SYTL5: variants seen among roughly 807,000 people sequenced by gnomAD.
SYTL5 encodes the protein synaptotagmin-like protein 5.
In SYTL5, 34 loss-of-function variants were observed where a neutral mutation model predicts 55.9. The ratio of observed to expected loss-of-function variants is 0.61; its 90% confidence interval spans 0.46 to 0.81. SYTL5 has a LOEUF of 0.81. Among genes scored for constraint, SYTL5 ranks in the 30% least tolerant of loss-of-function variants. The pLI is 0.00. For missense variants in SYTL5, 637 were observed against 546.7 expected, an observed-to-expected ratio of 1.17 and a Z score of -1.65; for synonymous variants, 221 against 188.7, an observed-to-expected ratio of 1.17 and a Z score of -1.40.
chrX:37,971,567 A>G, the SYTL5 span, among the ~76,000 whole-genome samples: 945 of 111,639 alleles, frequency 8.5e-3, 15 homozygotes, highest in African/African-American at 0.029. Context: ...AACCACTGTT[A>G]GATGGCAGTG....
At chrX:38,034,320 C>A (rs1602325039) in intron 2 of SYTL5, among the ~76,000 whole-genome samples, 1 of 112,543 alleles carries the variant, frequency 8.9e-6, no homozygotes, top group Middle Eastern at 4.6e-3. Flanking sequence ...AGTCGTGTGA[C>A]TTTGAGCAAG....
the SYTL5 span, among the ~76,000 whole-genome samples, chrX:37,916,056 G>A: frequency 3.6e-5 from 4 of 110,955 alleles, no homozygotes; most frequent in African/African-American, 1.3e-4. Flanking sequence ...TGCCATAAGA[G>A]GACTTTACTT....
the SYTL5 span, among the ~76,000 whole-genome samples, chrX:37,910,216 G>T: frequency 9.0e-6 from 1 of 111,654 alleles, no homozygotes; most frequent in Non-Finnish European, 1.9e-5. Context: ...AAGATCAAGG[G>T]TTGGTTGATC....
intron 1 of SYTL5, among the ~76,000 whole-genome samples, chrX:38,017,202 G>A (rs1040995441): frequency 9.0e-6 from 1 of 111,437 alleles, no homozygotes; most frequent in Non-Finnish European, 1.9e-5. Flanking sequence ...ATGCTCCAGG[G>A]GAACAAGTAC....
At chrX:37,944,514 A>T in the SYTL5 span, among the ~76,000 whole-genome samples, 77 of 111,739 alleles carry the variant, frequency 6.9e-4, no homozygotes, top group African/African-American at 2.4e-3. Context: ...ACCCCTTGGG[A>T]ACTTGATTTC....
At chrX:38,031,053 G>A (rs1054287313) in intron 1 of SYTL5, among the ~76,000 whole-genome samples, 8 of 111,339 alleles carry the variant, frequency 7.2e-5, no homozygotes, top group African/African-American at 2.0e-4. Context: ...CTTGAACAGC[G>A]GGCTTACAGG....
chrX:38,083,180 G>A (rs1417708421), intron 6 of SYTL5, among the ~76,000 whole-genome samples: 1 of 111,106 alleles, frequency 9.0e-6, no homozygotes, highest in Admixed American at 9.6e-5. Context: ...CCTCAAAACG[G>A]CTTCTGGTCA....
At chrX:38,103,133 T>C in intron 10 of SYTL5, 1 of 966,373 alleles carries the variant, frequency 1.0e-6, no homozygotes, top group East Asian at 3.4e-5. Flanking sequence ...CCAACCATAC[T>C]TCACAAATTT....
the SYTL5 span, among the ~76,000 whole-genome samples, chrX:37,913,611 G>A: frequency 8.9e-6 from 1 of 112,293 alleles, no homozygotes; most frequent in African/African-American, 3.2e-5. Flanking sequence ...ACCCACACAT[G>A]TGTGTTATGG....
chrX:38,064,563 C>T (rs1053098633), intron 3 of SYTL5, among the ~76,000 whole-genome samples: 1 of 110,677 alleles, frequency 9.0e-6, no homozygotes, highest in African/African-American at 3.3e-5. Flanking sequence ...TGGAGGTACT[C>T]TTTATGCTTC....
chrX:38,019,016 G>A (rs919441798), intron 1 of SYTL5, among the ~76,000 whole-genome samples: 1 of 111,953 alleles, frequency 8.9e-6, no homozygotes, highest in Non-Finnish European at 1.9e-5. Context: ...ATATGATTGC[G>A]CTGTTCCTTG....
Position 38,019,021 on chromosome X carries a change from T to C in SYTL5, c.-357+12353T>C, listed in dbSNP as rs1298679136. Reference sequence around the variant, plus strand: ...AAAAATTCAAATATGATTGCGCTGTTCCTTGGCTTTAAAGCTTCAACAGCT... The same window carrying C: ...AAAAATTCAAATATGATTGCGCTGTCCCTTGGCTTTAAAGCTTCAACAGCT... On this transcript the variant is annotated intron_variant, in intron 1 of 16. Coordinates refer to ENST00000297875, the MANE Select transcript of SYTL5 (RefSeq NM_138780.3). Among the ~76,000 whole-genome samples the C allele has an allele frequency of 7.1e-5, 8 of 112,207 alleles. No homozygotes were observed. In the East Asian group the frequency reaches 2.2e-3, roughly 31 times the overall value.
chrX:38,055,017 ACT>A (rs1337955219), intron 3 of SYTL5, among the ~76,000 whole-genome samples: 1 of 110,503 alleles, frequency 9.0e-6, no homozygotes. Flanking sequence ...GCACCCGGCC[ACT>A]CTTTCTGTAT....
the SYTL5 span, among the ~76,000 whole-genome samples, chrX:37,986,371 G>C: frequency 9.0e-6 from 1 of 111,001 alleles, no homozygotes; most frequent in Non-Finnish European, 1.9e-5. Context: ...ACCAAGCACG[G>C]GGTATGTGAC....
chrX:37,918,311 G>A, the SYTL5 span, among the ~76,000 whole-genome samples: 5 of 111,855 alleles, frequency 4.5e-5, no homozygotes, highest in Non-Finnish European at 9.4e-5. Context: ...ACTTCAGGAA[G>A]ATGACAAGAG....
chrX:37,960,810 A>T, the SYTL5 span, among the ~76,000 whole-genome samples: 2,035 of 88,463 alleles, frequency 0.023, 61 homozygotes, highest in African/African-American at 0.059. Flanking sequence ...TTATTTATTT[A>T]TTTGAGATGG....
chrX:38,076,135 G>C (rs958683098), intron 5 of SYTL5, among the ~76,000 whole-genome samples: 1 of 112,132 alleles, frequency 8.9e-6, no homozygotes, highest in African/African-American at 3.2e-5. Context: ...GAAAGGCAGA[G>C]TCACTGCTCT....
chrX:37,912,128 T>C, the SYTL5 span, among the ~76,000 whole-genome samples: 1 of 112,137 alleles, frequency 8.9e-6, no homozygotes, highest in African/African-American at 3.2e-5. Flanking sequence ...CTATTAAGAA[T>C]AGATTTACTA....
chrX:38,059,200 G>A (rs1345558652), intron 3 of SYTL5, among the ~76,000 whole-genome samples: 1 of 111,609 alleles, frequency 9.0e-6, no homozygotes, highest in East Asian at 2.8e-4. Flanking sequence ...ATTTCTTGAA[G>A]TAATTATTTG....
Sources: allele counts gnomAD v4.1 joint callset (sites outside exome capture counted in the v4.1 genomes callset), GRCh38; gene constraint gnomAD v4.1.1; transcripts MANE v1.5; gene names NCBI Gene and HGNC (gene_info 2026-07-23, HGNC 2026-07-21).